The following ZFHX3 variants were observed in gnomAD, a reference collection of about 807,000 sequenced individuals.
ZFHX3 encodes zinc finger homeobox 3, also known as zinc finger homeobox protein 3.
A neutral mutation model predicts 279.1 loss-of-function variants in ZFHX3; 42 were observed. The ratio of observed to expected loss-of-function variants is 0.15; its 90% CI spans 0.12 to 0.19. The LOEUF (loss-of-function observed/expected upper bound fraction) is 0.19, where lower values mean the gene tolerates loss of function less well. Among genes scored for constraint, ZFHX3 ranks in the 10% least tolerant of loss-of-function variants. The probability of loss-of-function intolerance (pLI) is 1.00; values close to 1 mark genes in which losing one functional copy is unlikely to be tolerated. For synonymous variants in ZFHX3, 2,293 were observed against 1,957.8 expected, an observed-to-expected ratio of 1.17 and a Z score of -4.52; for missense variants, 4,981 against 4,754.0, an observed-to-expected ratio of 1.05 and a Z score of -1.40.
chr16:73,344,072 A>T (rs1017009737), intron 3 of ZFHX3, among the ~76,000 whole-genome samples: 1 of 152,238 alleles, frequency 6.6e-6, no homozygotes, highest in Non-Finnish European at 1.5e-5. Flanking sequence ...TGTCACTTCA[A>T]AATATCTCTC....
chr16:73,520,846 A>T (rs2019597514), intron 2 of ZFHX3, among the ~76,000 whole-genome samples: 1 of 151,794 alleles, frequency 6.6e-6, no homozygotes, highest in Non-Finnish European at 1.5e-5. Flanking sequence ...AAAATAATAC[A>T]GAGAAAAAAA....
At chr16:72,937,149 A>G (rs972091067) in intron 3 of ZFHX3, among the ~76,000 whole-genome samples, 1 of 152,100 alleles carries the variant, frequency 6.6e-6, no homozygotes, top group African/African-American at 2.4e-5. Context: ...ATTCTCAGAC[A>G]TTCGAATGCA....
intron 3 of ZFHX3, among the ~76,000 whole-genome samples, chr16:72,938,497 T>G (rs971402373): frequency 6.6e-6 from 1 of 152,198 alleles, no homozygotes; most frequent in Admixed American, 6.5e-5. Context: ...GGCGTCCGAA[T>G]GTGTTTGCGG....
chr16:73,071,669 G>A (rs760248582), intron 8 of ZFHX3, among the ~76,000 whole-genome samples: 18 of 152,236 alleles, frequency 1.2e-4, no homozygotes, highest in Non-Finnish European at 2.5e-4. Context: ...AGCAGGCAGG[G>A]CTCTGGGGTT....
chr16:73,877,899 A>G (rs2030006236), intron 1 of ZFHX3, among the ~76,000 whole-genome samples: 1 of 152,030 alleles, frequency 6.6e-6, no homozygotes, highest in African/African-American at 2.4e-5. Context: ...CCCCCCAAAA[A>G]AGAAAATCCA....
chr16:73,106,553 T>C (rs1253513155), intron 7 of ZFHX3, among the ~76,000 whole-genome samples: 1 of 152,134 alleles, frequency 6.6e-6, no homozygotes, highest in Non-Finnish European at 1.5e-5. Flanking sequence ...CCTGGTCAAA[T>C]CAGTCATCCC....
intron 3 of ZFHX3, among the ~76,000 whole-genome samples, chr16:73,419,265 T>G (rs1191536519): frequency 6.6e-6 from 1 of 152,216 alleles, no homozygotes. Flanking sequence ...CACTCACCAT[T>G]TGCAATGAGG....
At chr16:73,445,698 G>A (rs558255299) in intron 3 of ZFHX3, among the ~76,000 whole-genome samples, 1 of 152,320 alleles carries the variant, frequency 6.6e-6, no homozygotes, top group South Asian at 2.1e-4. Context: ...AACTTCTGGA[G>A]TCTCATTCAT....
chr16:73,838,513 A>C (rs959366101), intron 1 of ZFHX3, among the ~76,000 whole-genome samples: 5 of 152,226 alleles, frequency 3.3e-5, no homozygotes, highest in African/African-American at 1.2e-4. Context: ...ACTTCAATGA[A>C]TACTAATATA....
chr16:73,264,516 T>G (rs192246730), intron 4 of ZFHX3, among the ~76,000 whole-genome samples: 67 of 152,284 alleles, frequency 4.4e-4, no homozygotes, highest in Middle Eastern at 3.4e-3. Flanking sequence ...TCTTAGGAAG[T>G]TCTGCTACTC....
chr16:73,368,491 C>T (rs1057350716), intron 3 of ZFHX3, among the ~76,000 whole-genome samples: 7 of 152,070 alleles, frequency 4.6e-5, no homozygotes, highest in Non-Finnish European at 1.0e-4. Context: ...TCAACATATC[C>T]CCAGACAGAA....
At chr16:73,785,961 C>T (rs1959630738) in intron 1 of ZFHX3, among the ~76,000 whole-genome samples, 1 of 152,086 alleles carries the variant, frequency 6.6e-6, no homozygotes, top group African/African-American at 2.4e-5. Context: ...ACCTCCACCT[C>T]CCAGGTTCAA....
Position 72,958,459 on chromosome 16 carries a change from C to T in ZFHX3, c.1687G>A (p.Gly563Ser). Residue 563 changes from glycine (G) to serine (S), a missense_variant, in exon 2 of 10, where the codon GGT (glycine) becomes AGT (serine). Gly to Ser is a moderately conservative substitution (Grantham distance 56). Transcript: ENST00000268489. The stretch of plus-strand genomic sequence containing the variant: ...CTTAAACGATTCCTCCTGTTCGCAC[C>T]ATCAAAGACAACAAAGGAAGAAGCA... ...NSASSFVVFD[G>S]ANRRNRLSFN... The T allele has an allele frequency of 6.2e-7, 1 of 1,614,150 alleles. No homozygotes were observed. The highest frequency in any genetic ancestry group is 8.5e-7 in the Non-Finnish European group (1 of 1,180,038).
chr16:73,083,720 C>G (rs1057478966), intron 8 of ZFHX3, among the ~76,000 whole-genome samples: 4 of 152,050 alleles, frequency 2.6e-5, no homozygotes, highest in African/African-American at 9.7e-5. Context: ...TATAGAGATG[C>G]GTTTTTGCCA....
At chr16:72,933,812 T>C (rs1037159746) in intron 3 of ZFHX3, among the ~76,000 whole-genome samples, 2 of 137,182 alleles carry the variant, frequency 1.5e-5, no homozygotes, top group Admixed American at 7.3e-5. Context: ...CTCACAACTT[T>C]CTTTTTTTTT....
At chr16:73,426,051 C>A (rs1567480522) in intron 3 of ZFHX3, among the ~76,000 whole-genome samples, 1 of 152,156 alleles carries the variant, frequency 6.6e-6, no homozygotes, top group Non-Finnish European at 1.5e-5. Context: ...AGCACTCACC[C>A]TTGGGCCCTG....
intron 3 of ZFHX3, among the ~76,000 whole-genome samples, chr16:73,352,468 CTCTCTCT>C (rs1480241992): frequency 7.5e-5 from 10 of 133,458 alleles, no homozygotes; most frequent in African/African-American, 2.9e-4. Flanking sequence ...CTCTCTCTCT[CTCTCTCT>C]TTTTTTTTTT....
At chr16:73,152,418 C>T (rs1966965640) in intron 5 of ZFHX3, among the ~76,000 whole-genome samples, 1 of 151,948 alleles carries the variant, frequency 6.6e-6, no homozygotes, top group Non-Finnish European at 1.5e-5. Context: ...GAAGTAGCTT[C>T]AAAGGATATT....
At chr16:73,742,310 TAG>T (rs1383062918) in intron 1 of ZFHX3, among the ~76,000 whole-genome samples, 7 of 152,194 alleles carry the variant, frequency 4.6e-5, no homozygotes, top group Admixed American at 2.0e-4. Context: ...TCTAAAAGGA[TAG>T]AGAGCCTGCA....
Sources: allele counts gnomAD v4.1 joint callset (sites outside exome capture counted in the v4.1 genomes callset), GRCh38; gene constraint gnomAD v4.1.1; transcripts MANE v1.5; gene names NCBI Gene and HGNC (gene_info 2026-07-23, HGNC 2026-07-21).